The following STK38 variants were observed in gnomAD, a reference collection of about 807,000 sequenced individuals.
The protein encoded by STK38 is serine/threonine-protein kinase 38.
In STK38, 26 loss-of-function variants were observed where a neutral mutation model predicts 59.0. That is an observed-to-expected ratio of 0.44 (90% CI 0.32 to 0.61). STK38 has a LOEUF of 0.61. STK38 is among the 20% of genes least tolerant of loss of function. The pLI is 0.04. For synonymous variants in STK38, 175 were observed against 176.6 expected (o/e 0.99, Z 0.07); for missense variants, 433 against 566.0 (o/e 0.76, Z 2.38).
At chr6:36,523,826 G>GT (rs1023190894) in intron 4 of STK38, among the ~76,000 whole-genome samples, 4 of 152,208 alleles carry the variant, frequency 2.6e-5, no homozygotes, top group African/African-American at 4.8e-5. Flanking sequence ...TTTTAGAGCT[G>GT]TATCAATCTG....
In STK38 at chr6:36,517,852, T is replaced by G; in HGVS notation, c.391-12A>C. On this transcript the variant is annotated splice_polypyrimidine_tract_variant and intron_variant, in intron 5 of 13. Transcript: ENST00000229812. Reference sequence around the variant, plus strand: ...CGAATGTGGCCAACCTGGAGGTATATGCATTTGATTAATGACAAAGCTTGC... The same window carrying G: ...CGAATGTGGCCAACCTGGAGGTATAGGCATTTGATTAATGACAAAGCTTGC... 1 of 1,611,780 alleles carries G rather than the reference T, an allele frequency of 6.2e-7. No homozygotes were observed. Among genetic ancestry groups the G allele is most frequent in the South Asian group, 1.1e-5 (1 of 90,816 alleles).
Position 36,498,025 on chromosome 6 carries a change from A to C in STK38, c.1077-150T>G, listed in dbSNP as rs1776748187. 3 of 629,572 alleles carry C rather than the reference A, an allele frequency of 4.8e-6. No homozygotes were observed. In the South Asian group the frequency reaches 6.2e-5, roughly 13 times the overall value. 39.0% of individuals were successfully genotyped at this position (629,572 alleles called of 1,614,324 possible). On this transcript the variant is annotated intron_variant, in intron 11 of 13. Coordinates refer to ENST00000229812, the MANE Select transcript of STK38 (RefSeq NM_007271.4). ...CACAATCATGGCTCACTGCAGCCTC[A>C]ACTTCCTGGGCTCAAGGGATCCTCC...
rs919682817 is a variant in STK38 at position 36,509,393 on chromosome 6, T to C, written c.670-1791A>G. On this transcript the variant is annotated intron_variant, in intron 7 of 13. Coordinates refer to ENST00000229812, the MANE Select transcript of STK38 (RefSeq NM_007271.4). ...TCGGTAAGGGTGGTGAGAAAAATTG[T>C]AGAAAGAAGCAAACCTTCTTAGAAG... is the stretch of plus-strand genomic sequence containing the variant. 3.9e-5 allele frequency among the ~76,000 whole-genome samples: 6 copies of C among 152,178 alleles called. No homozygotes were observed. In the South Asian group the frequency reaches 6.2e-4, roughly 16 times the overall value.
At chr6:36,503,414 T>C (rs552842070) in intron 9 of STK38, among the ~76,000 whole-genome samples, 1 of 149,560 alleles carries the variant, frequency 6.7e-6, no homozygotes, top group African/African-American at 2.5e-5. Context: ...GGGATCCATT[T>C]TTTCCATATA....
chr6:36,522,351 A>AC (rs1777396482), intron 4 of STK38: 1 of 152,476 alleles, frequency 6.6e-6, no homozygotes, highest in South Asian at 2.1e-4. Context: ...AGGGTGGCAG[A>AC]GGGGGGGCCC....
chr6:36,528,925 T>C (rs771702259), intron 2 of STK38, among the ~76,000 whole-genome samples: 1 of 152,146 alleles, frequency 6.6e-6, no homozygotes, highest in Non-Finnish European at 1.5e-5. Flanking sequence ...TTTACTGAAG[T>C]GTAATTAAAT....
chr6:36,520,626 C>T (rs771019895), intron 5 of STK38, among the ~76,000 whole-genome samples: 8 of 152,148 alleles, frequency 5.3e-5, no homozygotes, highest in Non-Finnish European at 1.0e-4. Flanking sequence ...ATACCACACA[C>T]TAATTTGTAG....
intron 1 of STK38, among the ~76,000 whole-genome samples, 195 bp from the exon 2 acceptor site, chr6:36,540,402 C>T (rs1777905422): frequency 6.6e-6 from 1 of 152,104 alleles, no homozygotes; most frequent in African/African-American, 2.4e-5. Flanking sequence ...CCCAGAAATC[C>T]CACCCCTAGG....
chr6:36,515,395 G>A lies in STK38; in HGVS notation c.612C>T (p.His204=), dbSNP rs1335832756. 6.2e-7 allele frequency: 1 copy of A among 1,614,056 alleles called. No individual in the cohort carries two copies. The highest frequency in any genetic ancestry group is 1.1e-5 in the South Asian group (1 of 91,066). Residue 204 remains histidine, a synonymous_variant, in exon 7 of 14, where the codon CAC becomes CAT. Coordinates refer to ENST00000229812, the MANE Select transcript of STK38 (RefSeq NM_007271.4). ...TGTCTCTGTGGATGAATCCAAGTTGGTGAATAGAGTCTATGGCTAATACTG... is the reference window on the plus strand; with the variant it reads ...TGTCTCTGTGGATGAATCCAAGTTGATGAATAGAGTCTATGGCTAATACTG... ...AETVLAIDSI[H]QLGFIHRDIK...
chr6:36,529,942 G>GTA (rs1777626333), intron 2 of STK38, among the ~76,000 whole-genome samples: 1 of 152,064 alleles, frequency 6.6e-6, no homozygotes, highest in South Asian at 2.1e-4. Flanking sequence ...GAAAAATAGT[G>GTA]TATTTAACAG....
At chr6:36,519,436 T>C (rs954595362) in intron 5 of STK38, among the ~76,000 whole-genome samples, 3 of 152,128 alleles carry the variant, frequency 2.0e-5, no homozygotes, top group African/African-American at 7.2e-5. Flanking sequence ...CTGGCTCCCA[T>C]TAAGCTCCCT....
intron 5 of STK38, among the ~76,000 whole-genome samples, chr6:36,520,821 C>G (rs1777360750): frequency 6.6e-6 from 1 of 152,064 alleles, no homozygotes; most frequent in Non-Finnish European, 1.5e-5. Context: ...TTTGGGGTGG[C>G]ATTTAAATGA....
intron 2 of STK38, among the ~76,000 whole-genome samples, chr6:36,527,837 C>A (rs927971203): frequency 4.6e-5 from 7 of 151,818 alleles, no homozygotes; most frequent in African/African-American, 1.7e-4. Context: ...CGGTGGCTCA[C>A]GCCTGTAATC....
rs376904670 is a variant in STK38, at chr6:36,526,297, T to C, written c.132-655A>G. Among the ~76,000 whole-genome samples, 19 of 151,852 alleles carry C rather than the reference T, an allele frequency of 1.3e-4. No homozygotes were observed. In the South Asian group the frequency reaches 4.0e-3, roughly 32 times the overall value. Reference sequence around the variant, plus strand: ...AGCTGGTATTTGATAAACTCTTATATCATGCTGTTTCTTTCCCTCTCTCTG... The same window carrying C: ...AGCTGGTATTTGATAAACTCTTATACCATGCTGTTTCTTTCCCTCTCTCTG... On this transcript the variant is annotated intron_variant, in intron 2 of 13. Transcript: ENST00000229812.
chr6:36,537,276 A>C (rs1294037253), intron 2 of STK38, among the ~76,000 whole-genome samples: 1 of 152,232 alleles, frequency 6.6e-6, no homozygotes, highest in Non-Finnish European at 1.5e-5. Flanking sequence ...ATGTTAGTAA[A>C]AATGTAAAGT....
At chr6:36,513,747 T>A (rs1777172180) in intron 7 of STK38, among the ~76,000 whole-genome samples, 1 of 150,162 alleles carries the variant, frequency 6.7e-6, no homozygotes, top group African/African-American at 2.5e-5. Context: ...CTCACACTTG[T>A]AATCCCAGGA....
intron 10 of STK38, 101 bp downstream of exon 10, chr6:36,499,772 G>C: frequency 1.1e-6 from 1 of 944,058 alleles, no homozygotes; most frequent in South Asian, 1.3e-5. Context: ...AGACAAGTAG[G>C]GAAATCACTT....
At chr6:36,503,421 T>C (rs1776886494) in intron 9 of STK38, among the ~76,000 whole-genome samples, 2 of 146,156 alleles carry the variant, frequency 1.4e-5, no homozygotes, top group Non-Finnish European at 3.0e-5. Context: ...ATTTTTTCCA[T>C]ATAGCTAAGT....
chr6:36,495,581 A>C lies in STK38; in HGVS notation c.*203T>G. The C allele has an allele frequency of 1.8e-6, 1 of 566,312 alleles. No individual in the cohort carries two copies. The highest frequency in any genetic ancestry group is 2.9e-6 in the Non-Finnish European group (1 of 340,278). The allele number at this position is 566,312 out of a possible 1,614,324, so 35.1% of individuals were successfully genotyped here. On this transcript the variant is annotated 3_prime_UTR_variant, in exon 14 of 14. Transcript: ENST00000229812. ...AAAGCAGGATAGCTGTTTATGGCCG[A>C]CGTAGTAGAAATGGTTGTCTTTGTT... is the stretch of plus-strand genomic sequence containing the variant.
Sources: gnomAD v4.1 joint callset for allele counts (sites outside exome capture counted in the v4.1 genomes callset) on GRCh38, gnomAD v4.1.1 for gene constraint, MANE v1.5 for transcripts, NCBI Gene and HGNC (gene_info 2026-07-23, HGNC 2026-07-21) for gene names.